KAT6A: variants seen among roughly 807,000 people sequenced by gnomAD.
KAT6A encodes the protein lysine acetyltransferase 6A.
Under a neutral mutation model 198.4 loss-of-function variants are expected in KAT6A, and 9 were observed. The ratio of observed to expected loss-of-function variants is 0.05; its 90% CI spans 0.03 to 0.08. The LOEUF is 0.08. Ranked by LOEUF, KAT6A falls within the 10% of genes least tolerant of loss-of-function variation. KAT6A has a pLI of 1.00. For missense variants in KAT6A, 2,077 were observed against 2,509.9 expected, an observed-to-expected ratio of 0.83 and a Z score of 3.69; for synonymous variants, 890 against 883.0, an observed-to-expected ratio of 1.01 and a Z score of -0.14.
chr8:41,990,116 T>G (rs944122162), intron 2 of KAT6A, among the ~76,000 whole-genome samples: 5 of 151,838 alleles, frequency 3.3e-5, no homozygotes, highest in Non-Finnish European at 5.9e-5. Context: ...TCATGAGATT[T>G]GAGCTTTATT....
Position 42,009,913 on chromosome 8 carries a change from AAC to A in KAT6A, c.601-22352_601-22351del, listed in dbSNP as rs1370055340. On this transcript the variant is annotated intron_variant, in intron 2 of 16. Transcript: ENST00000265713. ...CTGTCTCAAAAAAAAAAAAAAAAAAAACAAAAAAAAACAAAACCACAATCCTT... is the reference window on the plus strand; with the variant it reads ...CTGTCTCAAAAAAAAAAAAAAAAAAAAAAAAAAAACAAAACCACAATCCTT... 2.0e-3 allele frequency among the ~76,000 whole-genome samples: 269 copies of A among 136,554 alleles called. 4 individuals carry two copies. The highest frequency in any genetic ancestry group is 0.015 in the South Asian group (65 of 4,292). 89.6% of individuals were successfully genotyped at this position (136,554 alleles called of 152,430 possible).
At position 42,048,742 on chromosome 8, in the gene KAT6A, C is replaced by T; in HGVS notation, c.236G>A (p.Arg79Gln). Residue 79 changes from arginine (R) to glutamine (Q), a missense_variant, in exon 2 of 17, where the codon CGA becomes CAA. Coordinates refer to ENST00000265713, the MANE Select transcript of KAT6A (RefSeq NM_006766.5). ...GTTCCGAGGCTTAGGAAGTGCTATT[C>T]GCCCAGGATTATCAGGATCTTTATA... Reference protein sequence around the residue: ...NSYKDPDNPGRIALPKPRNHG... With the variant: ...NSYKDPDNPGQIALPKPRNHG... 6.2e-7 allele frequency: 1 copy of T among 1,614,180 alleles called. No homozygotes were observed. The highest frequency in any genetic ancestry group is 8.5e-7 in the Non-Finnish European group (1 of 1,180,034).
At chr8:42,026,265 G>A (rs908843640) in intron 2 of KAT6A, among the ~76,000 whole-genome samples, 1 of 152,134 alleles carries the variant, frequency 6.6e-6, no homozygotes, top group African/African-American at 2.4e-5. Flanking sequence ...GTCTTTTGTG[G>A]TTCCGTAAAA....
chr8:42,019,485 T>C (rs1826428803), intron 2 of KAT6A, among the ~76,000 whole-genome samples: 1 of 152,232 alleles, frequency 6.6e-6, no homozygotes, highest in Admixed American at 6.5e-5. Flanking sequence ...TCTAGTGCTA[T>C]ACTAGTTGCT....
chr8:41,948,230 A>C (rs1183743797), intron 10 of KAT6A, among the ~76,000 whole-genome samples: 2 of 152,260 alleles, frequency 1.3e-5, no homozygotes, highest in African/African-American at 4.8e-5. Context: ...TTAGATAGCA[A>C]GTTTCGTTTT....
At position 41,934,484 on chromosome 8, in the gene KAT6A, T is replaced by A. The variant is rs764808417; in HGVS notation, c.3736A>T (p.Ser1246Cys). Reference protein sequence around the residue: ...AEEGEEEDAASSEVPAASPAD... With the variant: ...AEEGEEEDAACSEVPAASPAD... ...GGAGAGGCTGCTGGGACTTCACTGCTGGCTGCATCCTCTTCCTCACCCTCT... is the reference window on the plus strand; with the variant it reads ...GGAGAGGCTGCTGGGACTTCACTGCAGGCTGCATCCTCTTCCTCACCCTCT... Residue 1246 changes from serine (S) to cysteine (C), a missense_variant, in exon 17 of 17, where the codon AGC becomes TGC. By Grantham distance (112) the Ser-to-Cys change is moderately radical. This residue lies in a region of KAT6A where 375 missense variants were observed against 383.0 expected (regional missense o/e 0.98). Coordinates refer to ENST00000265713, the MANE Select transcript of KAT6A (RefSeq NM_006766.5). 16 of 1,610,488 alleles carry A rather than the reference T, an allele frequency of 9.9e-6. No homozygotes were observed. The highest frequency in any genetic ancestry group is 6.8e-5 in the Admixed American group (4 of 59,030).
chr8:42,048,701 T>C lies in KAT6A; in HGVS notation c.277A>G (p.Asn93Asp). 6.2e-7 allele frequency: 1 copy of C among 1,614,244 alleles called. No homozygotes were observed. Among genetic ancestry groups the C allele is most frequent in the Non-Finnish European group, 8.5e-7 (1 of 1,180,030 alleles). The change falls in exon 2 of 17, where the codon AAT becomes GAT. Residue 93 changes from asparagine to aspartate, a missense_variant. By Grantham distance (23) the Asn-to-Asp change is conservative. This residue lies in a region of KAT6A where 185 missense variants were observed against 185.7 expected (regional missense o/e 1.00). Transcript: ENST00000265713. ...PKPRNHGKLD[N>D]KQNVDWNKLI... ...TTATTCCAATCCACATTTTGTTTAT[T>C]ATCCAATTTTCCATGGTTCCGAGGC... is the stretch of plus-strand genomic sequence containing the variant.
intron 2 of KAT6A, among the ~76,000 whole-genome samples, chr8:42,004,634 T>C (rs1199194774): frequency 6.6e-6 from 1 of 152,098 alleles, no homozygotes; most frequent in East Asian, 1.9e-4. Context: ...CAGTTAAAAA[T>C]CACTACTTCG....
At position 41,930,469 on chromosome 8, in the gene KAT6A, T is replaced by C. The variant is rs1821472683; in HGVS notation, c.*1736A>G. 1 of 214,686 alleles carries C rather than the reference T, an allele frequency of 4.7e-6. No homozygotes were observed. 13.3% of individuals were successfully genotyped at this position (214,686 alleles called of 1,614,324 possible). A position where few individuals can be genotyped will look rare whatever the true frequency, so the allele number is the denominator to read the frequency against. ...GCTTGAGAAAGTCAATTAAAGTGTA[T>C]TAAAAAAACCAACAAACCTGTGCAT... On this transcript the variant is annotated 3_prime_UTR_variant, in exon 17 of 17. Transcript: ENST00000265713.
At chr8:41,995,758 C>T (rs762699888) in intron 2 of KAT6A, among the ~76,000 whole-genome samples, 1 of 150,672 alleles carries the variant, frequency 6.6e-6, no homozygotes, top group Non-Finnish European at 1.5e-5. Flanking sequence ...CTCACTGCAA[C>T]CTCCATCTCC....
At chr8:41,963,921 T>C (rs1255166781) in intron 8 of KAT6A, among the ~76,000 whole-genome samples, 1 of 152,168 alleles carries the variant, frequency 6.6e-6, no homozygotes, top group Non-Finnish European at 1.5e-5. Context: ...CCAAACTTGC[T>C]ACTAGAAATG....
At chr8:41,979,782 C>T (rs1824256034) in intron 5 of KAT6A, among the ~76,000 whole-genome samples, 1 of 152,232 alleles carries the variant, frequency 6.6e-6, no homozygotes, top group South Asian at 2.1e-4. Context: ...GAACAGATCA[C>T]TTGAGGCCAG....
chr8:41,999,178 T>A (rs1162336689), intron 2 of KAT6A, among the ~76,000 whole-genome samples: 1 of 152,186 alleles, frequency 6.6e-6, no homozygotes, highest in Non-Finnish European at 1.5e-5. Context: ...CTTCTATTTC[T>A]TAATCAGAAG....
intron 2 of KAT6A, among the ~76,000 whole-genome samples, chr8:42,025,424 G>A (rs781307791): frequency 1.1e-5 from 1 of 92,210 alleles, no homozygotes; most frequent in Non-Finnish European, 2.1e-5. Flanking sequence ...TGTTGGGTAG[G>A]CTGGTCTCGA....
At chr8:41,946,779 A>G (rs1417658159) in intron 11 of KAT6A, 95 bp from the exon 12 acceptor site, 1 of 722,084 alleles carries the variant, frequency 1.4e-6, no homozygotes, top group Non-Finnish European at 2.4e-6. Context: ...CAAAACCCAC[A>G]GCCCTGGTCC....
At chr8:41,955,088 C>T (rs1055861527) in intron 9 of KAT6A, among the ~76,000 whole-genome samples, 1 of 151,954 alleles carries the variant, frequency 6.6e-6, no homozygotes, top group African/African-American at 2.4e-5. Flanking sequence ...TCATTTTAAA[C>T]ATCAGCGTCT....
chr8:41,941,360 C>T lies in KAT6A; in HGVS notation c.2521G>A (p.Val841Ile), dbSNP rs764695908. 4.3e-6 allele frequency: 7 copies of T among 1,612,054 alleles called. No homozygotes were observed. In the African/African-American group the frequency reaches 5.3e-5, roughly 12 times the overall value. ...SEKKPEVMAP[V>I]SSTRLSKQVL... ...TGTTTGCTCAAACGTGTAGAACTGA[C>T]TGGAGCCATAACTTCTGGTTTCTTT... Residue 841 changes from valine (V) to isoleucine (I), a missense_variant, in exon 15 of 17, where the codon GTC becomes ATC. Transcript: ENST00000265713.
At chr8:41,982,613 C>T (rs1824416418) in intron 3 of KAT6A, among the ~76,000 whole-genome samples, 1 of 152,130 alleles carries the variant, frequency 6.6e-6, no homozygotes, top group Non-Finnish European at 1.5e-5. Flanking sequence ...AGCTGGGCTG[C>T]GATCACCCAC....
intron 2 of KAT6A, among the ~76,000 whole-genome samples, chr8:42,007,639 C>G (rs988483305): frequency 6.6e-6 from 1 of 151,994 alleles, no homozygotes. Flanking sequence ...AAAGGTTTCT[C>G]CTGGGACTAG....
Sources: allele counts gnomAD v4.1 joint callset (sites outside exome capture counted in the v4.1 genomes callset), GRCh38; gene constraint gnomAD v4.1.1; regional missense constraint gnomAD v4.1.1; transcripts MANE v1.5; gene names NCBI Gene and HGNC (gene_info 2026-07-23, HGNC 2026-07-21).